The following CSMD1 variants were observed in gnomAD, a reference collection of about 807,000 sequenced individuals.
CSMD1 encodes CUB and sushi domain-containing protein 1.
Under a neutral mutation model 417.5 loss-of-function variants are expected in CSMD1, and 213 were observed. The ratio of observed to expected loss-of-function variants is 0.51; its 90% CI spans 0.46 to 0.57. The LOEUF is 0.57. Among genes scored for constraint, CSMD1 ranks in the 20% least tolerant of loss-of-function variants. The pLI is 0.00. For missense variants in CSMD1, 6,923 were observed against 4,529.7 expected (o/e 1.53, Z -15.17); for synonymous variants, 2,862 against 1,736.8 (o/e 1.65, Z -16.11).
rs1223694127 is a variant in CSMD1 at position 4,266,539 on chromosome 8, C to G, written c.415+153414G>C. 5.7e-5 allele frequency among the ~76,000 whole-genome samples: 6 copies of G among 104,626 alleles called. 2 individuals are homozygous for G. The highest frequency in any genetic ancestry group is 1.0e-4 in the African/African-American group (4 of 38,344). The allele number at this position is 104,626 out of a possible 152,430, so 68.6% of individuals were successfully genotyped here. On this transcript the variant is annotated intron_variant, in intron 3 of 69. Transcript: ENST00000635120. ...AAAGTAGAACAATTTCATACTCATG[C>G]CTCATATCCTTCCTTCAGAAAAACA...
intron 3 of CSMD1, among the ~76,000 whole-genome samples, chr8:4,179,404 T>C (rs1004653464): frequency 2.6e-5 from 4 of 152,142 alleles, no homozygotes; most frequent in African/African-American, 7.2e-5. Flanking sequence ...GATCCCTTCC[T>C]TACACCCTAT....
At chr8:4,591,718 G>C (rs754006908) in intron 2 of CSMD1, among the ~76,000 whole-genome samples, 9 of 152,150 alleles carry the variant, frequency 5.9e-5, no homozygotes, top group Non-Finnish European at 1.2e-4. Flanking sequence ...GAAAATTGCA[G>C]AGAAGGTTTT....
chr8:3,556,744 T>C (rs549142443), intron 10 of CSMD1, among the ~76,000 whole-genome samples: 138 of 152,094 alleles, frequency 9.1e-4, no homozygotes, highest in African/African-American at 3.3e-3. Context: ...CTCAAAGCTT[T>C]ATTAGCTTTC....
chr8:3,771,328 C>T (rs985271037), intron 5 of CSMD1, among the ~76,000 whole-genome samples: 1 of 152,118 alleles, frequency 6.6e-6, no homozygotes, highest in Admixed American at 6.5e-5. Flanking sequence ...TCAGGGATAA[C>T]AGACAAAGAA....
At chr8:4,326,822 G>T (rs1216039384) in intron 3 of CSMD1, among the ~76,000 whole-genome samples, 1 of 148,320 alleles carries the variant, frequency 6.7e-6, no homozygotes, top group South Asian at 2.1e-4. Flanking sequence ...TTGGCTTTGA[G>T]ATTCTTCTGA....
chr8:4,144,685 G>C (rs1442998557), intron 3 of CSMD1, among the ~76,000 whole-genome samples: 3 of 151,084 alleles, frequency 2.0e-5, no homozygotes, highest in Non-Finnish European at 1.5e-5. Context: ...CGACTGTGCG[G>C]TTTTACATAC....
intron 5 of CSMD1, among the ~76,000 whole-genome samples, chr8:3,987,821 T>C (rs897314303): frequency 6.6e-6 from 1 of 152,198 alleles, no homozygotes; most frequent in African/African-American, 2.4e-5. Context: ...AAACCCATAG[T>C]TCCAGATGTT....
intron 2 of CSMD1, among the ~76,000 whole-genome samples, chr8:4,562,235 T>C (rs1798375237): frequency 6.6e-6 from 1 of 151,656 alleles, no homozygotes; most frequent in Admixed American, 6.6e-5. Context: ...GACACACCGG[T>C]GTTCCACACG....
chr8:3,173,736 T>C (rs1433781061), intron 37 of CSMD1, among the ~76,000 whole-genome samples: 2 of 152,310 alleles, frequency 1.3e-5, no homozygotes, highest in Admixed American at 6.5e-5. Flanking sequence ...CTTTCTCTAT[T>C]TATCATGTTT....
intron 2 of CSMD1, among the ~76,000 whole-genome samples, chr8:4,606,481 G>C (rs988115251): frequency 6.6e-6 from 1 of 152,278 alleles, no homozygotes; most frequent in Non-Finnish European, 1.5e-5. Flanking sequence ...CCGATGCCAA[G>C]CCCTTTACCA....
chr8:4,393,077 G>C (rs1803959282), intron 3 of CSMD1, among the ~76,000 whole-genome samples: 1 of 152,128 alleles, frequency 6.6e-6, no homozygotes, highest in African/African-American at 2.4e-5. Flanking sequence ...CGGGGTTCAA[G>C]CGATTCTCGT....
At chr8:4,992,683 G>A (rs145324497) in intron 1 of CSMD1, among the ~76,000 whole-genome samples, 1 of 152,336 alleles carries the variant, frequency 6.6e-6, no homozygotes, top group Non-Finnish European at 1.5e-5. Context: ...AGCCAGTCCA[G>A]TGCTGACCAG....
At chr8:4,994,296 C>A (rs773764504) in intron 1 of CSMD1, 36 bp downstream of exon 1, 1 of 1,595,470 alleles carries the variant, frequency 6.3e-7, no homozygotes, top group East Asian at 2.2e-5. Flanking sequence ...TCCGAGGGCT[C>A]TACCGCCTCC....
intron 2 of CSMD1, among the ~76,000 whole-genome samples, chr8:4,436,863 G>A (rs563726529): frequency 3.9e-5 from 6 of 152,026 alleles, no homozygotes; most frequent in Non-Finnish European, 8.8e-5. Context: ...CCTTTTTGTG[G>A]CTGAAGAGTA....
intron 1 of CSMD1, among the ~76,000 whole-genome samples, chr8:4,666,257 G>C (rs566270529): frequency 6.6e-6 from 1 of 152,304 alleles, no homozygotes; most frequent in Non-Finnish European, 1.5e-5. Flanking sequence ...GTAACAGATG[G>C]AATCACGGTT....
chr8:2,981,179 G>A (rs937751452), intron 54 of CSMD1, among the ~76,000 whole-genome samples: 97 of 152,316 alleles, frequency 6.4e-4, no homozygotes, highest in African/African-American at 2.2e-3. Context: ...TGTTGCAAAT[G>A]GGTGTGTTTT....
intron 5 of CSMD1, among the ~76,000 whole-genome samples, chr8:3,756,736 A>G (rs1277635952): frequency 6.6e-6 from 1 of 152,160 alleles, no homozygotes; most frequent in African/African-American, 2.4e-5. Context: ...TGCTGCTTTG[A>G]ACATATATAT....
At chr8:3,670,744 T>C (rs114472573) in intron 7 of CSMD1, among the ~76,000 whole-genome samples, 56 of 111,408 alleles carry the variant, frequency 5.0e-4, no homozygotes, top group Non-Finnish European at 7.7e-4. Context: ...GGGATGTATG[T>C]ATATGGGATA....
chr8:3,523,690 CAT>C (rs1399682037), intron 10 of CSMD1, among the ~76,000 whole-genome samples: 7 of 150,606 alleles, frequency 4.6e-5, no homozygotes, highest in Admixed American at 6.6e-5. Context: ...CCCAGAGAGA[CAT>C]ATGCACACAT....
Sources: gnomAD v4.1 joint callset for allele counts (sites outside exome capture counted in the v4.1 genomes callset) on GRCh38, gnomAD v4.1.1 for gene constraint, MANE v1.5 for transcripts, NCBI Gene and HGNC (gene_info 2026-07-23, HGNC 2026-07-21) for gene names.